RIF1: variants seen among roughly 807,000 people sequenced by gnomAD.
RIF1 encodes telomere-associated protein RIF1.
Under a neutral mutation model 247.1 loss-of-function variants are expected in RIF1, and 45 were observed. The ratio of observed to expected loss-of-function variants is 0.18; its 90% CI spans 0.14 to 0.23. The LOEUF is 0.23. RIF1 is among the 10% of genes least tolerant of loss of function. The pLI is 1.00. For missense variants in RIF1, 2,967 were observed against 2,862.5 expected (o/e 1.04, Z -0.83); for synonymous variants, 1,087 against 978.8 (o/e 1.11, Z -2.06).
chr2:151,515,528 A>G, the RIF1 span, among the ~76,000 whole-genome samples: 531 of 152,210 alleles, frequency 3.5e-3, no homozygotes, highest in Non-Finnish European at 5.9e-3. Flanking sequence ...CTGTTTTTTA[A>G]AAATCACTGA....
chr2:151,456,468 T>C (rs1695214671), intron 22 of RIF1, 110 bp from the exon 23 acceptor site: 1 of 620,562 alleles, frequency 1.6e-6, no homozygotes, highest in East Asian at 3.3e-5. Flanking sequence ...TTTTATATCA[T>C]CAATTTATAT....
the RIF1 span, chr2:151,532,120 G>A: frequency 3.1e-5 from 12 of 390,980 alleles, no homozygotes; most frequent in South Asian, 2.6e-4. Flanking sequence ...CCTCCGAGAC[G>A]GAGTCTTACT....
downstream of RIF1, among the ~76,000 whole-genome samples, chr2:151,513,004 T>A (rs1276682485): frequency 6.6e-6 from 1 of 151,998 alleles, no homozygotes; most frequent in African/African-American, 2.4e-5. Context: ...TACCAAAGAG[T>A]GAGATTCAGT....
chr2:151,490,258 A>T, intron 9 of RIF1: 2 of 1,347,732 alleles, frequency 1.5e-6, no homozygotes, highest in Non-Finnish European at 2.0e-6. Flanking sequence ...TTTTCTCATT[A>T]AAGGAAAGGA....
chr2:151,495,471 A>C (rs575092904), intron 10 of RIF1: 1 of 119,614 alleles, frequency 8.4e-6, no homozygotes, highest in Admixed American at 9.1e-5. Context: ...TTTTAGAAGC[A>C]CTGTACTCAA....
At chr2:151,526,140 T>C in the RIF1 span, 5 of 1,613,230 alleles carry the variant, frequency 3.1e-6, no homozygotes, top group Non-Finnish European at 4.2e-6. Flanking sequence ...GCAGAACTCA[T>C]GGGCGGCTGG....
At chr2:151,513,624 G>T in the RIF1 span, 2 of 1,610,432 alleles carry the variant, frequency 1.2e-6, no homozygotes, top group East Asian at 2.2e-5. Context: ...ATAAAATCCG[G>T]AGTTTCATTG....
At chr2:151,525,903 A>G in the RIF1 span, 3 of 1,359,352 alleles carry the variant, frequency 2.2e-6, no homozygotes, top group Admixed American at 1.7e-5. Context: ...ATTTCACCAG[A>G]TTCTACAGTC....
In RIF1 at chr2:151,469,968, A is replaced by AT. The variant is rs1697542296; in HGVS notation, c.7095+106dup. The AT allele has an allele frequency of 2.3e-5, 18 of 786,642 alleles. No homozygotes were observed. The South Asian group carries it at 4.5e-4, about 20-fold the overall frequency. The allele number at this position is 786,642 out of a possible 1,614,324, so 48.7% of individuals were successfully genotyped here. On this transcript the variant is annotated intron_variant, in intron 34 of 35. Coordinates refer to ENST00000444746, the MANE Select transcript of RIF1 (RefSeq NM_018151.5). ...ACTTCATAATGGCACAGGGAAATTGATTCATTTATTTTGTACTGTCTTTAT... is the reference window on the plus strand; with the variant it reads ...ACTTCATAATGGCACAGGGAAATTGATTTCATTTATTTTGTACTGTCTTTAT...
intron 30 of RIF1, 136 bp from the exon 31 acceptor site, chr2:151,467,849 GGCAGTCGCTAGGAAC>G: frequency 1.6e-6 from 1 of 608,954 alleles, no homozygotes; most frequent in Admixed American, 3.1e-5. Context: ...GATCTGTGAA[GGCAGTCGCTAGGAAC>G]TGTGCAGCTG....
intron 15 of RIF1, among the ~76,000 whole-genome samples, chr2:151,440,788 G>A (rs1322249305): frequency 6.6e-6 from 1 of 152,102 alleles, no homozygotes; most frequent in Non-Finnish European, 1.5e-5. Context: ...CTATTCCCTT[G>A]GCTTTGCCTA....
chr2:151,443,573 G>A lies in RIF1; in HGVS notation c.1850G>A (p.Gly617Asp). Residue 617 changes from glycine (G) to aspartate (D), a missense_variant, in exon 18 of 36, where the codon GGT becomes GAT. By Grantham distance (94) the Gly-to-Asp change is moderately conservative. Transcript: ENST00000444746. The part of the protein sequence containing the change: ...LESLVGCVLS[G>D]PTSPLAFSDS... Reference sequence around the variant, plus strand: ...TCACTTGTAGGCTGTGTTCTTTCTGGTCCAACTTCACCACTAGCTTTCAGT... The same window carrying A: ...TCACTTGTAGGCTGTGTTCTTTCTGATCCAACTTCACCACTAGCTTTCAGT... The A allele has an allele frequency of 6.2e-7, 1 of 1,609,596 alleles. No homozygotes were observed.
rs535432987 is a variant in RIF1, at chr2:151,464,635, T to A, written c.5115T>A (p.Ile1705=). Residue 1705 remains isoleucine, a synonymous_variant, in exon 30 of 36, where the codon ATT becomes ATA. Coordinates refer to ENST00000444746, the MANE Select transcript of RIF1 (RefSeq NM_018151.5). The stretch of plus-strand genomic sequence containing the variant: ...CCTCAAAAATAGGGATATCAGATAT[T>A]TCTTCGCTTTCAGAAAAAACTTTTC... ...GESSKIGISD[I]SSLSEKTFQT... is the part of the protein sequence containing the mutation. 5 of 1,613,594 alleles carry A rather than the reference T, an allele frequency of 3.1e-6. No homozygotes were observed. In the Admixed American group the frequency reaches 8.3e-5, roughly 27 times the overall value.
chr2:151,426,771 C>T (rs556660150), intron 8 of RIF1, among the ~76,000 whole-genome samples: 2 of 151,946 alleles, frequency 1.3e-5, no homozygotes, highest in South Asian at 2.1e-4. Flanking sequence ...CTCGGCCTCC[C>T]GAGTAGCTGG....
At chr2:151,411,094 A>G (rs1173253439) in intron 2 of RIF1, among the ~76,000 whole-genome samples, 166 bp from the exon 3 acceptor site, 1 of 152,200 alleles carries the variant, frequency 6.6e-6, no homozygotes, top group Non-Finnish European at 1.5e-5. Context: ...CATTTCTGAT[A>G]TATATTGCAT....
At chr2:151,418,873 T>C (rs1182555089) in intron 6 of RIF1, among the ~76,000 whole-genome samples, 2 of 147,868 alleles carry the variant, frequency 1.4e-5, no homozygotes, top group Non-Finnish European at 3.0e-5. Context: ...AGACTTGGTC[T>C]CAAAAAAAAA....
chr2:151,434,169 A>G (rs1354669082), intron 10 of RIF1, among the ~76,000 whole-genome samples: 1 of 146,252 alleles, frequency 6.8e-6, no homozygotes, highest in African/African-American at 2.6e-5. Flanking sequence ...CTCCATCTCA[A>G]AAAAAAAAAA....
chr2:151,434,737 C>T (rs1261888605), intron 10 of RIF1, among the ~76,000 whole-genome samples: 1 of 151,990 alleles, frequency 6.6e-6, no homozygotes, highest in Non-Finnish European at 1.5e-5. Context: ...ACTGCGCCAG[C>T]CTGGTTTTTG....
At chr2:151,410,219 G>C in intron 1 of RIF1, 186 bp downstream of exon 1, 1 of 632,086 alleles carries the variant, frequency 1.6e-6, no homozygotes, top group East Asian at 2.7e-5. Flanking sequence ...ATGTGGCGTG[G>C]GCTCAGGTGT....
Sources: allele counts gnomAD v4.1 joint callset (sites outside exome capture counted in the v4.1 genomes callset), GRCh38; gene constraint gnomAD v4.1.1; transcripts MANE v1.5; gene names NCBI Gene and HGNC (gene_info 2026-07-23, HGNC 2026-07-21).